Variants in EHHADH observed in about 807,000 individuals in gnomAD.
The protein encoded by EHHADH is enoyl-CoA hydratase and 3-hydroxyacyl CoA dehydrogenase, also known as peroxisomal bifunctional enzyme.
A neutral mutation model predicts 64.4 loss-of-function variants in EHHADH; 48 were observed. The ratio of observed to expected loss-of-function variants is 0.75; its 90% CI spans 0.59 to 0.95. The LOEUF (loss-of-function observed/expected upper bound fraction) is 0.95. Ranked by LOEUF, EHHADH falls within the 40% of genes least tolerant of loss-of-function variation. The pLI, the probability that EHHADH is intolerant of heterozygous loss-of-function variation, is 0.00. For missense variants in EHHADH, 854 were observed against 876.6 expected (o/e 0.97, Z 0.33); for synonymous variants, 308 against 326.7 (o/e 0.94, Z 0.62).
chr3:185,227,551 C>A (rs1225044888), intron 4 of EHHADH, among the ~76,000 whole-genome samples: 1 of 151,310 alleles, frequency 6.6e-6, no homozygotes, highest in Non-Finnish European at 1.5e-5. Flanking sequence ...ATAGGTCAGG[C>A]CCAGTGGCTC....
chr3:185,214,902 G>A (rs563052850), intron 5 of EHHADH, among the ~76,000 whole-genome samples: 213 of 152,264 alleles, frequency 1.4e-3, no homozygotes, highest in African/African-American at 4.9e-3. Flanking sequence ...GTATTTATGT[G>A]ATTATTTCTC....
chr3:185,244,648 G>C (rs1347277129), intron 2 of EHHADH, among the ~76,000 whole-genome samples: 5 of 152,160 alleles, frequency 3.3e-5, no homozygotes, highest in Admixed American at 2.6e-4. Context: ...TGGGCCTATA[G>C]AAGATCAGGA....
At chr3:185,203,639 G>A (rs952917464) in intron 6 of EHHADH, among the ~76,000 whole-genome samples, 21 of 152,178 alleles carry the variant, frequency 1.4e-4, no homozygotes, top group Admixed American at 5.9e-4. Flanking sequence ...AAAAAAGTAA[G>A]GAAGCCATGG....
intron 2 of EHHADH, among the ~76,000 whole-genome samples, chr3:185,239,976 T>C (rs1719402998): frequency 6.6e-6 from 1 of 152,112 alleles, no homozygotes; most frequent in Non-Finnish European, 1.5e-5. Flanking sequence ...GTTGAGGGGT[T>C]TTATCATGAA....
Position 185,229,474 on chromosome 3 carries a change from T to C in EHHADH, c.421A>G (p.Arg141Gly), listed in dbSNP as rs942597214. 2 of 1,577,408 alleles carry C rather than the reference T, an allele frequency of 1.3e-6. No individual in the cohort carries two copies. Among genetic ancestry groups the C allele is most frequent in the Admixed American group, 1.7e-5 (1 of 57,946 alleles). Reference sequence around the variant, plus strand: ...AGTGCAGCAGGAACTCCAGTGAGTCTGGGGAGAAGCTGGGTTCCTCTTGCA... The same window carrying C: ...AGTGCAGCAGGAACTCCAGTGAGTCCGGGGAGAAGCTGGGTTCCTCTTGCA... Reference protein sequence around the residue: ...PGARGTQLLPRLTGVPAALDL... With the variant: ...PGARGTQLLPGLTGVPAALDL... The change falls in exon 4 of 7, where the codon AGA becomes GGA. Residue 141 changes from arginine (R) to glycine (G), a missense_variant. Coordinates refer to ENST00000231887, the MANE Select transcript of EHHADH (RefSeq NM_001966.4).
chr3:185,205,591 T>C (rs1015116829), intron 5 of EHHADH, among the ~76,000 whole-genome samples: 3 of 152,190 alleles, frequency 2.0e-5, no homozygotes, highest in Non-Finnish European at 4.4e-5. Flanking sequence ...TCTCTTTTTT[T>C]CACATTCAGA....
intron 5 of EHHADH, among the ~76,000 whole-genome samples, chr3:185,211,629 A>G (rs978949158): frequency 3.9e-5 from 6 of 152,320 alleles, no homozygotes; most frequent in African/African-American, 1.4e-4. Flanking sequence ...CAAAGGACAG[A>G]CAGAATAACT....
chr3:185,201,381 C>T (rs1228409647), intron 6 of EHHADH, among the ~76,000 whole-genome samples: 5 of 152,106 alleles, frequency 3.3e-5, no homozygotes, highest in East Asian at 1.9e-4. Flanking sequence ...AGGGATAGAA[C>T]GACAAGACCA....
rs16859877 is a variant in EHHADH at position 185,248,282 on chromosome 3, C to T, written c.178+132G>A. ...TCCTGTCCCTTTCTCCACAGTGTTACTCATTCTCACTCAAGTCTGCCATAT... is the reference window on the plus strand; with the variant it reads ...TCCTGTCCCTTTCTCCACAGTGTTATTCATTCTCACTCAAGTCTGCCATAT... On this transcript the variant is annotated intron_variant, in intron 2 of 6. Coordinates refer to ENST00000231887, the MANE Select transcript of EHHADH (RefSeq NM_001966.4). 0.02 allele frequency: 15,041 copies of T among 733,990 alleles called. 1,428 individuals carry two copies. In the African/African-American group the frequency reaches 0.21, roughly 10 times the overall value. 45.5% of individuals were successfully genotyped at this position (733,990 alleles called of 1,614,324 possible). A position where few individuals can be genotyped will look rare whatever the true frequency, so the allele number is the denominator to read the frequency against.
At chr3:185,218,010 C>T in intron 5 of EHHADH, 126 bp downstream of exon 5, 1 of 507,026 alleles carries the variant, frequency 2.0e-6, no homozygotes, top group Non-Finnish European at 3.4e-6. Context: ...CGTGATCCGC[C>T]CACCTCGGAC....
intron 4 of EHHADH, among the ~76,000 whole-genome samples, chr3:185,219,395 C>T (rs961056915): frequency 5.3e-5 from 8 of 152,124 alleles, no homozygotes; most frequent in African/African-American, 1.7e-4. Context: ...TAAGCAGCAG[C>T]GACAGGTTAA....
rs776981445 is a variant in EHHADH at position 185,193,449 on chromosome 3, C to T, written c.949G>A (p.Ala317Thr). The change falls in exon 7 of 7, where the codon GCA becomes ACA. Residue 317 changes from alanine (A) to threonine (T), a missense_variant. Transcript: ENST00000231887. ...TMGRGIVISF[A>T]RARIPVIAVD... is the part of the protein sequence containing the mutation. Reference sequence around the variant, plus strand: ...GCAATCACAGGAATCCTGGCCCTTGCAAAAGAAATGACAATGCCTCGGCCC... The same window carrying T: ...GCAATCACAGGAATCCTGGCCCTTGTAAAAGAAATGACAATGCCTCGGCCC... The T allele has an allele frequency of 5.6e-6, 9 of 1,613,954 alleles. No homozygotes were observed. The highest frequency in any genetic ancestry group is 4.2e-6 in the Non-Finnish European group (5 of 1,180,020).
intron 5 of EHHADH, among the ~76,000 whole-genome samples, chr3:185,208,136 A>ATGGAAGCCAGGG (rs1469274294): frequency 6.6e-6 from 1 of 152,226 alleles, no homozygotes; most frequent in Non-Finnish European, 1.5e-5. Context: ...GGTCACTCTG[A>ATGGAAGCCAGGG]TGGAAGCCAG....
rs991549460 is a variant in EHHADH at position 185,232,116 on chromosome 3, G to A, written c.352-2573C>T. Among the ~76,000 whole-genome samples, 29 of 152,086 alleles carry A rather than the reference G, an allele frequency of 1.9e-4. 1 individual carries two copies. The highest frequency in any genetic ancestry group is 6.5e-5 in the Admixed American group (1 of 15,268). On this transcript the variant is annotated intron_variant, in intron 3 of 6. Coordinates refer to ENST00000231887, the MANE Select transcript of EHHADH (RefSeq NM_001966.4). ...TTACAGGTATAAGGGTGAGAGGAGG[G>A]TACTTAAATGCGGACTGCCATTTAC...
At chr3:185,214,146 A>T (rs1038230347) in intron 5 of EHHADH, among the ~76,000 whole-genome samples, 9 of 152,180 alleles carry the variant, frequency 5.9e-5, no homozygotes, top group Non-Finnish European at 1.2e-4. Context: ...AAACAGTGGA[A>T]CTCATTTAAA....
intron 6 of EHHADH, among the ~76,000 whole-genome samples, chr3:185,197,867 G>A (rs896005813): frequency 2.6e-5 from 4 of 152,048 alleles, no homozygotes; most frequent in African/African-American, 9.7e-5. Flanking sequence ...CGTGATCTCG[G>A]AACACTGCAA....
At chr3:185,251,115 C>A (rs1282017211) in intron 1 of EHHADH, among the ~76,000 whole-genome samples, 1 of 152,182 alleles carries the variant, frequency 6.6e-6, no homozygotes, top group Non-Finnish European at 1.5e-5. Flanking sequence ...CCTGTTAATA[C>A]TGTCAGGCAT....
chr3:185,207,660 G>T (rs1159902492), intron 5 of EHHADH, among the ~76,000 whole-genome samples: 1 of 152,188 alleles, frequency 6.6e-6, no homozygotes, highest in African/African-American at 2.4e-5. Flanking sequence ...CTCCCCTAGA[G>T]CCTCCAGAAA....
rs758834472 is a variant in EHHADH at position 185,218,248 on chromosome 3, A to AAAC, written c.464-11_464-9dup. 6.3e-7 allele frequency: 1 copy of AAAC among 1,576,932 alleles called. No homozygotes were observed. Reference sequence around the variant, plus strand: ...CTGCTAAAATACGTCTTCCTGAAATAAACAACAACAACAATAACAACAAAT... The same window carrying AAAC: ...CTGCTAAAATACGTCTTCCTGAAATAAACAACAACAACAACAATAACAACAAAT... On this transcript the variant is annotated splice_polypyrimidine_tract_variant and intron_variant, in intron 4 of 6. Transcript: ENST00000231887.
Sources: allele counts gnomAD v4.1 joint callset (sites outside exome capture counted in the v4.1 genomes callset), GRCh38; gene constraint gnomAD v4.1.1; transcripts MANE v1.5; gene names NCBI Gene and HGNC (gene_info 2026-07-23, HGNC 2026-07-21).